SDCBP: variants seen among roughly 807,000 people sequenced by gnomAD.
SDCBP encodes syntenin-1.
Under a neutral mutation model 30.5 loss-of-function variants are expected in SDCBP, and 22 were observed. The ratio of observed to expected loss-of-function variants is 0.72; its 90% CI spans 0.52 to 1.03. The LOEUF (loss-of-function observed/expected upper bound fraction) is 1.03. Ranked by LOEUF, SDCBP falls within the 50% of genes least tolerant of loss-of-function variation. The pLI, the probability that SDCBP is intolerant of heterozygous loss-of-function variation, is 0.00. For synonymous variants in SDCBP, 103 were observed against 118.7 expected, an observed-to-expected ratio of 0.87 and a Z score of 0.86; for missense variants, 304 against 369.9, an observed-to-expected ratio of 0.82 and a Z score of 1.46.
chr8:58,571,637 T>G (rs1293147007), intron 3 of SDCBP, among the ~76,000 whole-genome samples: 1 of 152,182 alleles, frequency 6.6e-6, no homozygotes, highest in African/African-American at 2.4e-5. Context: ...AAATAGTATA[T>G]AACTACTAAT....
chr8:58,578,162 C>T lies in SDCBP; in HGVS notation c.532C>T (p.Leu178Phe). The T allele has an allele frequency of 1.9e-6, 3 of 1,602,388 alleles. No homozygotes were observed. Among genetic ancestry groups the T allele is most frequent in the Non-Finnish European group, 2.6e-6 (3 of 1,175,548 alleles). Residue 178 changes from leucine to phenylalanine, a missense_variant, in exon 6 of 9, where the codon CTC (leucine) becomes TTC (phenylalanine). Transcript: ENST00000260130. Reference sequence around the variant, plus strand: ...GAGCTCTGATAAAGCGCACAAGGTGCTCAAACAGGCTTTTGGAGAGAAGAT... The same window carrying T: ...GAGCTCTGATAAAGCGCACAAGGTGTTCAAACAGGCTTTTGGAGAGAAGAT... The part of the protein sequence containing the change: ...GWSSDKAHKV[L>F]KQAFGEKITM...
intron 5 of SDCBP, among the ~76,000 whole-genome samples, chr8:58,576,967 A>T (rs889272619): frequency 6.6e-6 from 1 of 152,252 alleles, no homozygotes; most frequent in Non-Finnish European, 1.5e-5. Context: ...CTTGTATGTC[A>T]CTCAAAATAC....
chr8:58,574,604 G>A (rs1805220040), intron 4 of SDCBP, among the ~76,000 whole-genome samples: 1 of 151,960 alleles, frequency 6.6e-6, no homozygotes, highest in South Asian at 2.1e-4. Flanking sequence ...TTTGTTGCTG[G>A]AGATTTCTGT....
chr8:58,569,807 T>C (rs915489050), intron 2 of SDCBP, among the ~76,000 whole-genome samples: 9 of 152,196 alleles, frequency 5.9e-5, no homozygotes, highest in Admixed American at 1.3e-4. Flanking sequence ...ATAAAGATTT[T>C]CATGCTGTAT....
At chr8:58,576,192 A>G (rs897703532) in intron 5 of SDCBP, 131 bp downstream of exon 5, 12 of 729,732 alleles carry the variant, frequency 1.6e-5, no homozygotes, top group African/African-American at 5.6e-5. Flanking sequence ...TTTTAAATCT[A>G]CTAACTTAAA....
Position 58,582,094 on chromosome 8 carries a change from G to A in SDCBP, c.*354G>A, listed in dbSNP as rs565762692. On this transcript the variant is annotated 3_prime_UTR_variant, in exon 9 of 9. Transcript: ENST00000260130. ...CAGTCACCTTTCTCCTAGGTAATGAGTAGTGCTGTTCATATTACTTTAGTT... is the reference window on the plus strand; with the variant it reads ...CAGTCACCTTTCTCCTAGGTAATGAATAGTGCTGTTCATATTACTTTAGTT... 2 of 246,054 alleles carry A rather than the reference G, an allele frequency of 8.1e-6. No homozygotes were observed. Among genetic ancestry groups the A allele is most frequent in the South Asian group, 1.2e-4 (2 of 16,826 alleles). The allele number at this position is 246,054 out of a possible 1,614,324, so 15.2% of individuals were successfully genotyped here.
At chr8:58,565,339 TTTAA>T (rs1202221006) in intron 2 of SDCBP, among the ~76,000 whole-genome samples, 1 of 152,104 alleles carries the variant, frequency 6.6e-6, no homozygotes, top group Admixed American at 6.6e-5. Flanking sequence ...CTGGTTAAAA[TTTAA>T]TTATATGTAA....
At chr8:58,574,732 G>A (rs764001799) in intron 4 of SDCBP, among the ~76,000 whole-genome samples, 3 of 151,952 alleles carry the variant, frequency 2.0e-5, no homozygotes, top group Non-Finnish European at 4.4e-5. Context: ...AATATAAATT[G>A]TATATATTCA....
At chr8:58,563,539 A>G (rs2129607573) in intron 1 of SDCBP, among the ~76,000 whole-genome samples, 1 of 152,056 alleles carries the variant, frequency 6.6e-6, no homozygotes, top group Middle Eastern at 3.4e-3. Flanking sequence ...ATATACTTTG[A>G]AAGGCTGAAT....
chr8:58,579,611 T>A lies in SDCBP; in HGVS notation c.579-12T>A. On this transcript the variant is annotated splice_polypyrimidine_tract_variant and intron_variant, in intron 6 of 8. Coordinates refer to ENST00000260130, the MANE Select transcript of SDCBP (RefSeq NM_005625.4). ...AGAATTAAGTTTTTAATTGAACCAA[T>A]TATGTTTGTAGGCCCTTTGAACGGA... 1 of 1,514,304 alleles carries A rather than the reference T, an allele frequency of 6.6e-7. No individual in the cohort carries two copies. Among genetic ancestry groups the A allele is most frequent in the Non-Finnish European group, 8.9e-7 (1 of 1,128,924 alleles). The allele number at this position is 1,514,304 out of a possible 1,614,324, so 93.8% of individuals were successfully genotyped here.
chr8:58,553,487 T>TG (rs1012403019), intron 1 of SDCBP, among the ~76,000 whole-genome samples, 184 bp downstream of exon 1: 88 of 150,890 alleles, frequency 5.8e-4, no homozygotes, highest in African/African-American at 2.0e-3. Context: ...CCCTGCTGGC[T>TG]GGGGGGGCAA....
chr8:58,557,238 TTAA>T (rs1362779646), intron 1 of SDCBP, among the ~76,000 whole-genome samples: 2 of 129,334 alleles, frequency 1.5e-5, no homozygotes, highest in African/African-American at 6.1e-5. Flanking sequence ...GAAAATGATA[TTAA>T]TTTTAATCAA....
chr8:58,564,523 T>G (rs1384030833), intron 1 of SDCBP, among the ~76,000 whole-genome samples: 1 of 152,222 alleles, frequency 6.6e-6, no homozygotes, highest in Non-Finnish European at 1.5e-5. Flanking sequence ...ATATAGTTTC[T>G]TCTGTATACA....
At chr8:58,562,571 G>A (rs891045423) in intron 1 of SDCBP, among the ~76,000 whole-genome samples, 5 of 151,998 alleles carry the variant, frequency 3.3e-5, no homozygotes, top group Admixed American at 6.6e-5. Context: ...ATAACGATGC[G>A]AAGACAATTC....
chr8:58,556,438 G>T (rs1294069579), intron 1 of SDCBP, among the ~76,000 whole-genome samples: 1 of 152,152 alleles, frequency 6.6e-6, no homozygotes, highest in Non-Finnish European at 1.5e-5. Context: ...TCCATGGCCC[G>T]GGGGTTGGGA....
Position 58,566,602 on chromosome 8 carries a change from T to C in SDCBP, c.51+1518T>C, listed in dbSNP as rs186673717. On this transcript the variant is annotated intron_variant, in intron 2 of 8. Coordinates refer to ENST00000260130, the MANE Select transcript of SDCBP (RefSeq NM_005625.4). ...AGTGAATAAGGAGTGGGAAACATGG[T>C]TCTTTTATTACCCCTGAATTTAAAA... 3.4e-4 allele frequency among the ~76,000 whole-genome samples: 52 copies of C among 152,310 alleles called. No individual in the cohort carries two copies. The East Asian group carries it at 9.5e-3, about 28-fold the overall frequency.
chr8:58,562,309 G>A (rs1372347015), intron 1 of SDCBP, among the ~76,000 whole-genome samples: 6 of 151,820 alleles, frequency 4.0e-5, no homozygotes, highest in Non-Finnish European at 7.4e-5. Flanking sequence ...CAGATTTAAG[G>A]ATACTTTTTA....
At chr8:58,574,828 C>T (rs1342297817) in intron 4 of SDCBP, among the ~76,000 whole-genome samples, 2 of 152,252 alleles carry the variant, frequency 1.3e-5, no homozygotes, top group African/African-American at 4.8e-5. Flanking sequence ...GGGTTATTAA[C>T]GTATCTGTCA....
intron 7 of SDCBP, chr8:58,580,019 C>G (rs868634100): frequency 2.6e-6 from 1 of 390,742 alleles, no homozygotes. Context: ...GTACCTCACA[C>G]TAGAATTCTG....
Sources: gnomAD v4.1 joint callset for allele counts (sites outside exome capture counted in the v4.1 genomes callset) on GRCh38, gnomAD v4.1.1 for gene constraint, MANE v1.5 for transcripts, NCBI Gene and HGNC (gene_info 2026-07-23, HGNC 2026-07-21) for gene names.